The following FILIP1L variants were observed in gnomAD, a reference collection of about 807,000 sequenced individuals.
FILIP1L encodes filamin A-interacting protein 1-like.
In FILIP1L, 55 loss-of-function variants were observed where a neutral mutation model predicts 96.6. That is an observed-to-expected ratio of 0.57 (90% CI 0.46 to 0.71). The LOEUF (loss-of-function observed/expected upper bound fraction) is 0.71, where lower values mean the gene tolerates loss of function less well. Among genes scored for constraint, FILIP1L ranks in the 30% least tolerant of loss-of-function variants. FILIP1L has a pLI of 0.00. For missense variants in FILIP1L, 1,304 were observed against 1,321.2 expected (o/e 0.99, Z 0.20); for synonymous variants, 467 against 473.9 (o/e 0.99, Z 0.19).
At chr3:100,101,817 G>A (rs150759631) in intron 1 of FILIP1L, among the ~76,000 whole-genome samples, 15 of 152,022 alleles carry the variant, frequency 9.9e-5, no homozygotes, top group African/African-American at 3.4e-4. Context: ...TCCCCTTCCT[G>A]TGTCCATGTG....
intron 1 of FILIP1L, chr3:100,075,749 C>A (rs776915294): frequency 2.0e-5 from 3 of 152,028 alleles, no homozygotes; most frequent in Non-Finnish European, 1.5e-5. Flanking sequence ...GAATTTCATC[C>A]CACAGTGATA....
intron 1 of FILIP1L, among the ~76,000 whole-genome samples, chr3:100,112,609 TA>T (rs1179031307): frequency 6.6e-6 from 1 of 152,246 alleles, no homozygotes; most frequent in Non-Finnish European, 1.5e-5. Flanking sequence ...TGTCACTCTT[TA>T]AATAATGAAT....
chr3:99,877,237 C>T (rs866167669), intron 4 of FILIP1L, among the ~76,000 whole-genome samples: 3 of 152,122 alleles, frequency 2.0e-5, no homozygotes, highest in Admixed American at 2.0e-4. Flanking sequence ...CCTTTTAAAA[C>T]CTCTTTTAAA....
chr3:100,045,923 G>T (rs1389359722), intron 1 of FILIP1L, among the ~76,000 whole-genome samples: 1 of 152,116 alleles, frequency 6.6e-6, no homozygotes, highest in East Asian at 1.9e-4. Flanking sequence ...CACTGGGGAA[G>T]GGGGAGGAGG....
At chr3:99,936,396 G>A (rs1387746861) in intron 1 of FILIP1L, among the ~76,000 whole-genome samples, 9 of 74,700 alleles carry the variant, frequency 1.2e-4, no homozygotes, top group African/African-American at 4.9e-4. Context: ...TTTTTTTTGT[G>A]ACAGCATCTC....
chr3:99,906,142 G>A (rs569728140), intron 4 of FILIP1L, among the ~76,000 whole-genome samples: 3 of 152,202 alleles, frequency 2.0e-5, no homozygotes, highest in South Asian at 4.1e-4. Context: ...TGCAGTGAGC[G>A]GAGATCGCAC....
At chr3:99,981,262 T>C (rs1709115045) in intron 1 of FILIP1L, among the ~76,000 whole-genome samples, 1 of 152,196 alleles carries the variant, frequency 6.6e-6, no homozygotes, top group Admixed American at 6.5e-5. Flanking sequence ...AACTTGTCCC[T>C]GGCCTCCTGG....
At chr3:99,889,436 T>A (rs1339190669) in intron 4 of FILIP1L, among the ~76,000 whole-genome samples, 1 of 152,112 alleles carries the variant, frequency 6.6e-6, no homozygotes, top group Admixed American at 6.5e-5. Context: ...TTCTGACCTT[T>A]TACTTTCAGC....
At chr3:99,967,050 G>A (rs959600470) in intron 1 of FILIP1L, among the ~76,000 whole-genome samples, 1 of 152,136 alleles carries the variant, frequency 6.6e-6, no homozygotes, top group Non-Finnish European at 1.5e-5. Flanking sequence ...GAGAGGGAAA[G>A]GATATGGGGC....
intron 1 of FILIP1L, among the ~76,000 whole-genome samples, chr3:100,111,260 G>C (rs2066485992): frequency 6.6e-6 from 1 of 152,110 alleles, no homozygotes; most frequent in Non-Finnish European, 1.5e-5. Context: ...ATGTTTTCCT[G>C]TTTGCTAATA....
intron 4 of FILIP1L, among the ~76,000 whole-genome samples, chr3:99,886,096 ACT>A (rs1399823392): frequency 6.6e-6 from 1 of 152,168 alleles, no homozygotes; most frequent in African/African-American, 2.4e-5. Flanking sequence ...CAAACAGAAC[ACT>A]CTATGTGTGC....
intron 4 of FILIP1L, among the ~76,000 whole-genome samples, chr3:99,854,014 G>A (rs143238012): frequency 3.9e-5 from 6 of 152,336 alleles, no homozygotes; most frequent in Non-Finnish European, 8.8e-5. Flanking sequence ...GTGTCAGAGA[G>A]AGGGAAAGAC....
chr3:99,845,706 T>G lies in FILIP1L; in HGVS notation c.3381+2589A>C, dbSNP rs144902012. On this transcript the variant is annotated intron_variant, in intron 5 of 5. Transcript: ENST00000477258. ...AATCTACATTGTGTCATTTTAGGTG[T>G]AATTCTATAGAAAAAAAGATGTTTT... Among the ~76,000 whole-genome samples the G allele has an allele frequency of 4.6e-3, 695 of 152,358 alleles. 2 individuals carry two copies. The highest frequency in any genetic ancestry group is 6.8e-3 in the South Asian group (33 of 4,830).
intron 1 of FILIP1L, among the ~76,000 whole-genome samples, chr3:99,983,060 T>C (rs1241717621): frequency 6.6e-6 from 1 of 152,128 alleles, no homozygotes; most frequent in Non-Finnish European, 1.5e-5. Flanking sequence ...CCATCAGGAA[T>C]AACACATGCA....
chr3:99,980,474 C>G (rs1709090244), intron 1 of FILIP1L, among the ~76,000 whole-genome samples: 1 of 152,130 alleles, frequency 6.6e-6, no homozygotes, highest in African/African-American at 2.4e-5. Context: ...TTTATTTCCA[C>G]AGAAACCATC....
intron 1 of FILIP1L, among the ~76,000 whole-genome samples, chr3:99,944,194 T>A (rs1212525515): frequency 6.6e-6 from 1 of 151,902 alleles, no homozygotes; most frequent in Admixed American, 6.6e-5. Context: ...ATTTTAAGAG[T>A]GTGTGTTATT....
At chr3:100,004,916 C>T (rs1200732595) in intron 1 of FILIP1L, among the ~76,000 whole-genome samples, 1 of 152,084 alleles carries the variant, frequency 6.6e-6, no homozygotes, top group African/African-American at 2.4e-5. Context: ...TTCTCATAGC[C>T]TCATACCCAT....
chr3:99,846,856 T>A (rs1943387665), intron 5 of FILIP1L, among the ~76,000 whole-genome samples: 1 of 152,198 alleles, frequency 6.6e-6, no homozygotes, highest in Non-Finnish European at 1.5e-5. Flanking sequence ...CACACTAAAT[T>A]AACAATTATG....
intron 1 of FILIP1L, among the ~76,000 whole-genome samples, chr3:100,080,874 T>C (rs1346726522): frequency 6.6e-6 from 1 of 152,244 alleles, no homozygotes; most frequent in Non-Finnish European, 1.5e-5. Context: ...TTTCCTGCCA[T>C]GGTTACCAAA....
Sources: gnomAD v4.1 joint callset for allele counts (sites outside exome capture counted in the v4.1 genomes callset) on GRCh38, gnomAD v4.1.1 for gene constraint, MANE v1.5 for transcripts, NCBI Gene and HGNC (gene_info 2026-07-23, HGNC 2026-07-21) for gene names.